Variants in CFAP100 observed in about 807,000 individuals in gnomAD.
CFAP100 encodes cilia- and flagella-associated protein 100.
A neutral mutation model predicts 81.5 loss-of-function variants in CFAP100; 70 were observed. That is an observed-to-expected ratio of 0.86 (90% CI 0.71 to 1.05). The LOEUF (loss-of-function observed/expected upper bound fraction) is 1.05. Among genes scored for constraint, CFAP100 ranks in the 50% least tolerant of loss-of-function variants. CFAP100 has a pLI of 0.00. For synonymous variants in CFAP100, 341 were observed against 314.8 expected, an observed-to-expected ratio of 1.08 and a Z score of -0.88; for missense variants, 811 against 776.5, an observed-to-expected ratio of 1.04 and a Z score of -0.53.
intron 2 of CFAP100, among the ~76,000 whole-genome samples, chr3:126,399,160 C>T (rs9683045): frequency 0.017 from 2,552 of 152,302 alleles, 82 homozygotes; most frequent in African/African-American, 0.058. Context: ...TTGCTGTTCC[C>T]TGTTTCATTT....
chr3:126,432,261 C>T (rs1369004600), intron 13 of CFAP100, among the ~76,000 whole-genome samples: 4 of 117,042 alleles, frequency 3.4e-5, no homozygotes, highest in Non-Finnish European at 4.8e-5. Context: ...CCAGCCTGGG[C>T]GACTGAGCAA....
intron 2 of CFAP100, among the ~76,000 whole-genome samples, chr3:126,401,767 C>T (rs959145675): frequency 2.0e-4 from 31 of 151,984 alleles, no homozygotes; most frequent in Non-Finnish European, 3.7e-4. Flanking sequence ...GGGAAGGAGA[C>T]GTGGCCCAAT....
chr3:126,419,147 A>C lies in CFAP100; in HGVS notation c.722A>C (p.Asn241Thr). 6.4e-7 allele frequency: 1 copy of C among 1,572,760 alleles called. No individual in the cohort carries two copies. Among genetic ancestry groups the C allele is most frequent in the Non-Finnish European group, 8.6e-7 (1 of 1,157,574 alleles). ...EIRDLTTQIV[N>T]IKSEISRFED... is the part of the protein sequence containing the mutation. ...CGGGACCTCACCACCCAGATTGTTAATATCAAAAGGTGAGGTCAGAGGGCA... is the reference window on the plus strand; with the variant it reads ...CGGGACCTCACCACCCAGATTGTTACTATCAAAAGGTGAGGTCAGAGGGCA... The change falls in exon 8 of 17, where the codon AAT (asparagine) becomes ACT (threonine). Residue 241 changes from asparagine (N) to threonine (T), a missense_variant. By Grantham distance (65) the Asn-to-Thr change is moderately conservative (BLOSUM62 0). Coordinates refer to ENST00000352312, the MANE Select transcript of CFAP100 (RefSeq NM_182628.3).
intron 3 of CFAP100, among the ~76,000 whole-genome samples, chr3:126,411,437 T>C (rs1271219822): frequency 6.9e-6 from 1 of 145,628 alleles, no homozygotes; most frequent in African/African-American, 2.5e-5. Context: ...GGCTTCATTC[T>C]ATGAGGATCT....
chr3:126,398,176 G>T (rs1192819723), intron 2 of CFAP100, among the ~76,000 whole-genome samples: 2 of 150,110 alleles, frequency 1.3e-5, no homozygotes, highest in Non-Finnish European at 3.0e-5. Context: ...CTCCTTTGAG[G>T]CATCAGGGCG....
intron 9 of CFAP100, 74 bp downstream of exon 9, chr3:126,419,892 A>T: frequency 6.2e-7 from 1 of 1,610,842 alleles, no homozygotes. Flanking sequence ...CCCAGCTGGC[A>T]GGTTACCTGC....
At chr3:126,421,185 G>C (rs556956252) in intron 11 of CFAP100, among the ~76,000 whole-genome samples, 99 of 152,074 alleles carry the variant, frequency 6.5e-4, no homozygotes, top group African/African-American at 2.2e-3. Flanking sequence ...TGTATTTTTA[G>C]TAGAGACGGG....
In CFAP100 at chr3:126,418,916, C is replaced by T. The variant is rs569423947; in HGVS notation, c.650+142C>T. ...ACCAGGGCCGGTCGGGAGCCAAGGG[C>T]AGGGGACACTACGGGCAAAAGGCTT... On this transcript the variant is annotated intron_variant, in intron 7 of 16. Coordinates refer to ENST00000352312, the MANE Select transcript of CFAP100 (RefSeq NM_182628.3). The T allele has an allele frequency of 2.7e-4, 311 of 1,132,980 alleles. 1 individual carries two copies. In the African/African-American group the frequency reaches 4.1e-3, roughly 15 times the overall value. The allele number at this position is 1,132,980 out of a possible 1,614,324, so 70.2% of individuals were successfully genotyped here. A position where few individuals can be genotyped will look rare whatever the true frequency, so the allele number is the denominator to read the frequency against.
At position 126,433,096 on chromosome 3, in the gene CFAP100, G is replaced by A; in HGVS notation, c.1314G>A (p.Gln438=). ...ACAGGGAGGTCAACCAGCTGAAGCA[G>A]TGGGTCACCACAATGATGATGTCCA... The part of the protein sequence containing the change: ...RMDREVNQLK[Q]WVTTMMMSIT... Residue 438 remains glutamine (Q), a synonymous_variant, in exon 14 of 17, where the codon CAG becomes CAA. Transcript: ENST00000352312. The A allele has an allele frequency of 6.2e-7, 1 of 1,614,186 alleles. No homozygotes were observed.
In CFAP100 at chr3:126,433,190, A is replaced by G; in HGVS notation, c.1408A>G (p.Lys470Glu). The G allele has an allele frequency of 1.2e-6, 2 of 1,614,178 alleles. No homozygotes were observed. Among genetic ancestry groups the G allele is most frequent in the Non-Finnish European group, 1.7e-6 (2 of 1,180,004 alleles). The change falls in exon 14 of 17, where the codon AAG (lysine) becomes GAG (glutamate). Residue 470 changes from lysine to glutamate, a missense_variant. By Grantham distance (56) the Lys-to-Glu change is moderately conservative. Coordinates refer to ENST00000352312, the MANE Select transcript of CFAP100 (RefSeq NM_182628.3). The part of the protein sequence containing the change: ...KARVFHFGEY[K>E]GDQQDKLLES... Reference sequence around the variant, plus strand: ...CCGAGTCTTCCACTTCGGCGAGTACAAGGGCGATCAGCAGGTAGGCTGGGG... The same window carrying G: ...CCGAGTCTTCCACTTCGGCGAGTACGAGGGCGATCAGCAGGTAGGCTGGGG...
intron 3 of CFAP100, among the ~76,000 whole-genome samples, chr3:126,410,097 A>G (rs1209167752): frequency 6.6e-6 from 1 of 152,172 alleles, no homozygotes; most frequent in Non-Finnish European, 1.5e-5. Flanking sequence ...GCTACTCGGG[A>G]GGCTGAGACA....
At position 126,418,471 on chromosome 3, in the gene CFAP100, G is replaced by A. The variant is rs1311137167; in HGVS notation, c.432G>A (p.Glu144=). 8.1e-6 allele frequency: 13 copies of A among 1,614,144 alleles called. No individual in the cohort carries two copies. The highest frequency in any genetic ancestry group is 1.1e-5 in the Non-Finnish European group (13 of 1,180,032). Residue 144 remains glutamate (E), a synonymous_variant, in exon 6 of 17, where the codon GAG becomes GAA. Transcript: ENST00000352312. ...KLTLTKEKNV[E]PENMSGYIKQ... is the part of the protein sequence containing the mutation. ...TTCTTCCAGCAGAAAAGAATGTGGA[G>A]CCTGAGAACATGAGTGGCTACATTA...
At chr3:126,430,691 T>C (rs1313621262) in intron 13 of CFAP100, among the ~76,000 whole-genome samples, 3 of 151,940 alleles carry the variant, frequency 2.0e-5, no homozygotes, top group Admixed American at 2.0e-4. Flanking sequence ...TTTCTTCTGC[T>C]TGATCTAGTC....
At chr3:126,433,285 T>C (rs1456616296) in intron 14 of CFAP100, 81 bp downstream of exon 14, 2 of 1,539,984 alleles carry the variant, frequency 1.3e-6, no homozygotes, top group Non-Finnish European at 1.8e-6. Context: ...CTGACAGCCC[T>C]TGGGAAGATG....
intron 11 of CFAP100, among the ~76,000 whole-genome samples, chr3:126,421,836 G>A (rs1486429384): frequency 6.6e-6 from 1 of 152,258 alleles, no homozygotes; most frequent in African/African-American, 2.4e-5. Context: ...GCTGCGCCAC[G>A]CACAGGCTGC....
At chr3:126,429,454 G>A (rs979250704) in intron 13 of CFAP100, among the ~76,000 whole-genome samples, 1 of 152,030 alleles carries the variant, frequency 6.6e-6, no homozygotes, top group Non-Finnish European at 1.5e-5. Flanking sequence ...TTGACTTAAA[G>A]TCTATTTTGT....
At chr3:126,428,863 T>G (rs1157345332) in intron 13 of CFAP100, among the ~76,000 whole-genome samples, 2 of 152,046 alleles carry the variant, frequency 1.3e-5, no homozygotes, top group Non-Finnish European at 2.9e-5. Context: ...TCCCAGCACT[T>G]TGGGAGGCCG....
At chr3:126,413,050 C>T (rs2083181702) in intron 3 of CFAP100, among the ~76,000 whole-genome samples, 2 of 152,252 alleles carry the variant, frequency 1.3e-5, no homozygotes. Flanking sequence ...ACTTCTCTGC[C>T]CCTCTGATCA....
intron 11 of CFAP100, among the ~76,000 whole-genome samples, chr3:126,421,733 C>G (rs1184459833): frequency 6.6e-6 from 1 of 152,250 alleles, no homozygotes; most frequent in Non-Finnish European, 1.5e-5. Flanking sequence ...CAAACTGATG[C>G]TTCTCCAGTT....
Sources: gnomAD v4.1 joint callset for allele counts (sites outside exome capture counted in the v4.1 genomes callset) on GRCh38, gnomAD v4.1.1 for gene constraint, MANE v1.5 for transcripts, NCBI Gene and HGNC (gene_info 2026-07-23, HGNC 2026-07-21) for gene names.